GLI3: variants seen among roughly 807,000 people sequenced by gnomAD.
GLI3 encodes the protein transcription activator GLI3.
In GLI3, 20 loss-of-function variants were observed where a neutral mutation model predicts 100.8. That is an observed-to-expected ratio of 0.20 (90% CI 0.14 to 0.29). GLI3 has a LOEUF of 0.29. GLI3 is among the 10% of genes least tolerant of loss of function. GLI3 has a pLI of 1.00. For synonymous variants in GLI3, 938 were observed against 860.5 expected (o/e 1.09, Z -1.58); for missense variants, 2,040 against 2,128.5 (o/e 0.96, Z 0.82).
intron 2 of GLI3, among the ~76,000 whole-genome samples, chr7:42,213,756 A>C (rs1371970299): frequency 6.6e-6 from 1 of 152,240 alleles, no homozygotes; most frequent in Non-Finnish European, 1.5e-5. Context: ...ATGAAACCTT[A>C]TCAGGGGCTA....
intron 1 of GLI3, among the ~76,000 whole-genome samples, chr7:42,246,582 G>C (rs1788974584): frequency 6.6e-6 from 1 of 151,878 alleles, no homozygotes; most frequent in Non-Finnish European, 1.5e-5. Flanking sequence ...AAGCTGTATT[G>C]TTTTTAAAAG....
In GLI3 at chr7:42,076,814, A is replaced by C; in HGVS notation, c.411T>G (p.Ile137Met). ...AACGGCCCTCATGATGTCTGGCATCAATTGGTACAGGAGGATGGAAGGCAG... is the reference window on the plus strand; with the variant it reads ...AACGGCCCTCATGATGTCTGGCATCCATTGGTACAGGAGGATGGAAGGCAG... Reference protein sequence around the residue: ...LFPAFHPPVPIDARHHEGRYH... With the variant: ...LFPAFHPPVPMDARHHEGRYH... The change falls in exon 4 of 15, where the codon ATT (isoleucine) becomes ATG (methionine). Residue 137 changes from isoleucine (I) to methionine (M), a missense_variant. Transcript: ENST00000395925. The C allele has an allele frequency of 6.2e-7, 1 of 1,613,586 alleles. No homozygotes were observed.
intron 10 of GLI3, among the ~76,000 whole-genome samples, chr7:42,005,398 T>C (rs1427458875): frequency 6.6e-6 from 1 of 151,918 alleles, no homozygotes; most frequent in African/African-American, 2.4e-5. Flanking sequence ...GATGGATAGA[T>C]GGATGGATGT....
Position 42,180,313 on chromosome 7 carries a change from T to A in GLI3, c.125-31845A>T, listed in dbSNP as rs149448720. 6.6e-4 allele frequency among the ~76,000 whole-genome samples: 101 copies of A among 152,194 alleles called. 2 individuals are homozygous for A. In the East Asian group the frequency reaches 0.015, roughly 22 times the overall value. On this transcript the variant is annotated intron_variant, in intron 2 of 14. Coordinates refer to ENST00000395925, the MANE Select transcript of GLI3 (RefSeq NM_000168.6). The stretch of plus-strand genomic sequence containing the variant: ...AGTGGCCTGGACAAGGCAGCTTTTG[T>A]GGAACAAGTGACTGGGGCAAAAACT...
intron 2 of GLI3, among the ~76,000 whole-genome samples, chr7:42,198,294 T>C (rs1272515619): frequency 2.0e-5 from 3 of 151,608 alleles, no homozygotes; most frequent in African/African-American, 4.9e-5. Flanking sequence ...AAAGGAAAAA[T>C]GAAGGGAAAT....
chr7:42,229,406 C>T (rs1164345863), intron 1 of GLI3, among the ~76,000 whole-genome samples: 1 of 152,208 alleles, frequency 6.6e-6, no homozygotes, highest in Non-Finnish European at 1.5e-5. Context: ...AGCACCATGG[C>T]TCAGCCTTAA....
At chr7:42,159,251 G>T (rs559249237) in intron 2 of GLI3, among the ~76,000 whole-genome samples, 32 of 152,246 alleles carry the variant, frequency 2.1e-4, no homozygotes, top group Non-Finnish European at 2.9e-4. Flanking sequence ...AGTTAGAGCC[G>T]CACATAGTTT....
chr7:42,211,664 A>T (rs976018142), intron 2 of GLI3, among the ~76,000 whole-genome samples: 1 of 152,202 alleles, frequency 6.6e-6, no homozygotes, highest in African/African-American at 2.4e-5. Flanking sequence ...TATCATTGCC[A>T]CTAAAACAAA....
chr7:42,010,517 T>C (rs545355067), intron 10 of GLI3, among the ~76,000 whole-genome samples: 267 of 152,324 alleles, frequency 1.8e-3, no homozygotes, highest in Non-Finnish European at 3.3e-3. Context: ...AGCATGTGAT[T>C]TTCACCTGTG....
At chr7:42,112,787 G>C (rs190611946) in intron 3 of GLI3, among the ~76,000 whole-genome samples, 236 of 149,758 alleles carry the variant, frequency 1.6e-3, no homozygotes, top group African/African-American at 5.4e-3. Context: ...CCCCACTGTA[G>C]AGGTGCATAT....
chr7:41,983,692 C>T (rs1247621031), intron 10 of GLI3, among the ~76,000 whole-genome samples: 2 of 152,170 alleles, frequency 1.3e-5, no homozygotes, highest in Admixed American at 6.5e-5. Context: ...GTGTAAATTA[C>T]AATGTGGCAT....
Position 41,966,397 on chromosome 7 carries a change from G to C in GLI3, c.2676C>G (p.Ala892=). Residue 892 remains alanine, a synonymous_variant, in exon 15 of 15, where the codon GCC becomes GCG. Coordinates refer to ENST00000395925, the MANE Select transcript of GLI3 (RefSeq NM_000168.6). This position sits in a 1 kb window ranked among gnomAD's most constrained non-coding sequence, Gnocchi z 5.8. The stretch of plus-strand genomic sequence containing the variant: ...CGGTGGAGATGGGGTCGTAGGAGTC[G>C]GCCACGCTCACGTTCTGCGGCCGGC... The part of the protein sequence containing the change: ...AEGRPQNVSV[A]DSYDPISTDA... The C allele has an allele frequency of 1.9e-6, 3 of 1,610,822 alleles. No individual in the cohort carries two copies. The highest frequency in any genetic ancestry group is 2.5e-6 in the Non-Finnish European group (3 of 1,179,416).
At chr7:42,030,700 T>G (rs1048794773) in intron 7 of GLI3, among the ~76,000 whole-genome samples, 28 of 151,864 alleles carry the variant, frequency 1.8e-4, no homozygotes, top group African/African-American at 6.3e-4. Flanking sequence ...TGATTTGTTT[T>G]TTTTTTTTTT....
intron 10 of GLI3, among the ~76,000 whole-genome samples, chr7:42,021,889 G>A (rs766840652): frequency 6.6e-6 from 1 of 152,112 alleles, no homozygotes; most frequent in Non-Finnish European, 1.5e-5. Flanking sequence ...CTACTCTTTG[G>A]GAGTATTTCC....
intron 3 of GLI3, among the ~76,000 whole-genome samples, chr7:42,107,093 A>G (rs553108885): frequency 3.9e-5 from 6 of 152,200 alleles, no homozygotes; most frequent in African/African-American, 1.4e-4. Context: ...AGGCTGGCAA[A>G]CTGCTTGAGC....
At position 42,123,624 on chromosome 7, in the gene GLI3, G is replaced by A. The variant is rs536657501; in HGVS notation, c.367+24602C>T. Among the ~76,000 whole-genome samples the A allele has an allele frequency of 2.6e-5, 4 of 152,256 alleles. No individual in the cohort carries two copies. The South Asian group carries it at 8.3e-4, about 32-fold the overall frequency. On this transcript the variant is annotated intron_variant, in intron 3 of 14. Coordinates refer to ENST00000395925, the MANE Select transcript of GLI3 (RefSeq NM_000168.6). ...TGGTATTCCATCTTTACTTATTGGG[G>A]AAAGTACTAAATTGATGTCATCATA... is the stretch of plus-strand genomic sequence containing the variant.
In GLI3 at chr7:41,965,681, G is replaced by A. The variant is rs750890276; in HGVS notation, c.3392C>T (p.Ala1131Val). Residue 1131 changes from alanine (A) to valine (V), a missense_variant, in exon 15 of 15, where the codon GCG becomes GTG. Coordinates refer to ENST00000395925, the MANE Select transcript of GLI3 (RefSeq NM_000168.6). ...KVPHGPGDFD[A>V]PGLPDSHAGQ... Reference sequence around the variant, plus strand: ...AGCGTGGCTGTCTGGCAGCCCGGGCGCGTCAAAGTCACCGGGCCCGTGGGG... The same window carrying A: ...AGCGTGGCTGTCTGGCAGCCCGGGCACGTCAAAGTCACCGGGCCCGTGGGG... The A allele has an allele frequency of 6.8e-6, 11 of 1,613,342 alleles. No individual in the cohort carries two copies. The highest frequency in any genetic ancestry group is 1.3e-5 in the African/African-American group (1 of 75,032).
intron 3 of GLI3, among the ~76,000 whole-genome samples, chr7:42,089,353 C>G (rs550279937): frequency 6.6e-6 from 1 of 152,296 alleles, no homozygotes; most frequent in African/African-American, 2.4e-5. Flanking sequence ...TTACTAATGA[C>G]TTGAAGCATG....
intron 10 of GLI3, among the ~76,000 whole-genome samples, chr7:42,002,976 G>T (rs1288096966): frequency 1.3e-5 from 2 of 152,200 alleles, no homozygotes; most frequent in African/African-American, 2.4e-5. Flanking sequence ...CCAAGCACTA[G>T]TTGCCTAATA....
Sources: gnomAD v4.1 joint callset for allele counts (sites outside exome capture counted in the v4.1 genomes callset) on GRCh38, gnomAD v4.1.1 for gene constraint, Gnocchi (gnomAD v3.1) non-coding constraint, MANE v1.5 for transcripts, NCBI Gene and HGNC (gene_info 2026-07-23, HGNC 2026-07-21) for gene names.